The following ANK3 variants were observed in gnomAD, a reference collection of about 807,000 sequenced individuals.
The protein encoded by ANK3 is ankyrin-3.
Under a neutral mutation model 370.9 loss-of-function variants are expected in ANK3, and 57 were observed. That is an observed-to-expected ratio of 0.15 (90% confidence interval 0.12 to 0.19). ANK3 has a LOEUF of 0.19. Among genes scored for constraint, ANK3 ranks in the 10% least tolerant of loss-of-function variants. The probability of loss-of-function intolerance (pLI) is 1.00; values close to 1 mark genes in which losing one functional copy is unlikely to be tolerated. For missense variants in ANK3, 4,439 were observed against 5,302.1 expected (o/e 0.84, Z 5.06); for synonymous variants, 1,929 against 1,946.3 (o/e 0.99, Z 0.23).
chr10:60,693,248 G>A (rs1322130927), intron 1 of ANK3, among the ~76,000 whole-genome samples: 1 of 152,228 alleles, frequency 6.6e-6, no homozygotes, highest in Non-Finnish European at 1.5e-5. Flanking sequence ...TGGCTCGCAG[G>A]GTCCTAAGCC....
intron 9 of ANK3, among the ~76,000 whole-genome samples, chr10:60,210,476 G>A (rs191405384): frequency 1.3e-3 from 203 of 152,198 alleles, no homozygotes; most frequent in African/African-American, 4.8e-3. Flanking sequence ...GTAAAAGAAG[G>A]CTGGTTAGCT....
intron 2 of ANK3, among the ~76,000 whole-genome samples, chr10:60,573,779 C>G (rs1271323197): frequency 6.6e-6 from 1 of 152,098 alleles, no homozygotes; most frequent in African/African-American, 2.4e-5. Flanking sequence ...AAACAGAGCA[C>G]TTTGAGCAGA....
At chr10:60,190,421 A>G (rs1345206584) in intron 16 of ANK3, among the ~76,000 whole-genome samples, 1 of 149,574 alleles carries the variant, frequency 6.7e-6, no homozygotes, top group Non-Finnish European at 1.5e-5. Context: ...TCTTAGTGAA[A>G]ACAAACAAAC....
At chr10:60,712,049 C>T (rs972308496) in intron 1 of ANK3, among the ~76,000 whole-genome samples, 1 of 152,274 alleles carries the variant, frequency 6.6e-6, no homozygotes, top group South Asian at 2.1e-4. Flanking sequence ...CACCAGAAGA[C>T]CTGCCATGCA....
Position 60,257,251 on chromosome 10 carries a change from G to A in ANK3, c.798+4608C>T, listed in dbSNP as rs1542461. 7.2e-5 allele frequency among the ~76,000 whole-genome samples: 11 copies of A among 152,036 alleles called. No individual in the cohort carries two copies. In the East Asian group the frequency reaches 9.6e-4, roughly 13 times the overall value. On this transcript the variant is annotated intron_variant, in intron 7 of 43. Transcript: ENST00000280772. The stretch of plus-strand genomic sequence containing the variant: ...AGGGTTCTGAATGTGGTCCAATATC[G>A]ATCAAAACCTTGTATAAAATACCCA...
At chr10:60,324,143 T>C (rs949217184) in intron 1 of ANK3, among the ~76,000 whole-genome samples, 2 of 152,126 alleles carry the variant, frequency 1.3e-5, no homozygotes, top group African/African-American at 2.4e-5. Flanking sequence ...GAGAGAAATA[T>C]GAAAGCAGAA....
rs529457754 is a variant in ANK3 at position 60,520,391 on chromosome 10, C to T, written c.96+94795G>A. Among the ~76,000 whole-genome samples, 11 of 152,074 alleles carry T rather than the reference C, an allele frequency of 7.2e-5. No homozygotes were observed. The East Asian group carries it at 1.7e-3, about 24-fold the overall frequency. On this transcript the variant is annotated intron_variant, in intron 2 of 43. Coordinates refer to the ANK3 transcript ENST00000373827. The stretch of plus-strand genomic sequence containing the variant: ...TAGCATCATGCAATATAACCATTAA[C>T]GAACCTGCACATACACTACCTAAAT...
At chr10:60,324,262 GA>G (rs2049299725) in intron 1 of ANK3, among the ~76,000 whole-genome samples, 1 of 152,194 alleles carries the variant, frequency 6.6e-6, no homozygotes, top group African/African-American at 2.4e-5. Context: ...TGCCAGGACA[GA>G]AGACAAAGTG....
At chr10:60,054,227 G>T (rs2078677438) in intron 42 of ANK3, among the ~76,000 whole-genome samples, 1 of 152,186 alleles carries the variant, frequency 6.6e-6, no homozygotes, top group East Asian at 1.9e-4. Flanking sequence ...CTATGTTATT[G>T]CTTCTCTCTA....
chr10:60,189,384 G>C (rs973432798), intron 16 of ANK3, among the ~76,000 whole-genome samples: 4 of 152,140 alleles, frequency 2.6e-5, no homozygotes, highest in African/African-American at 9.7e-5. Flanking sequence ...CAGAGAGAGA[G>C]ACAGACAGAG....
At chr10:60,684,536 T>G (rs1564548792) in intron 1 of ANK3, 1 of 1,570,378 alleles carries the variant, frequency 6.4e-7, no homozygotes, top group East Asian at 2.3e-5. Flanking sequence ...CAGACTTCTA[T>G]CCTGTCCAGT....
intron 2 of ANK3, among the ~76,000 whole-genome samples, chr10:60,601,718 A>C (rs1476968793): frequency 1.3e-5 from 2 of 152,130 alleles, no homozygotes; most frequent in African/African-American, 4.8e-5. Flanking sequence ...TAGTTAATAA[A>C]ATATAATGTG....
chr10:60,568,192 T>C (rs2077508365), intron 2 of ANK3, among the ~76,000 whole-genome samples: 2 of 152,198 alleles, frequency 1.3e-5, no homozygotes, highest in Admixed American at 1.3e-4. Flanking sequence ...GCATTACATG[T>C]TACAGAGAGA....
intron 40 of ANK3, chr10:60,060,615 A>C (rs1398045058): frequency 6.6e-6 from 1 of 152,328 alleles, no homozygotes; most frequent in South Asian, 2.1e-4. Flanking sequence ...GCACTGGGAA[A>C]AAAATTTTAA....
At chr10:60,317,115 T>C (rs930493703) in intron 1 of ANK3, among the ~76,000 whole-genome samples, 12 of 151,884 alleles carry the variant, frequency 7.9e-5, no homozygotes, top group African/African-American at 2.9e-4. Flanking sequence ...TATACATGCA[T>C]ACTAACTTTT....
chr10:60,256,974 G>A (rs902163455), intron 7 of ANK3, among the ~76,000 whole-genome samples: 1 of 152,134 alleles, frequency 6.6e-6, no homozygotes. Context: ...ATTTTCTTCT[G>A]AATACATATT....
At chr10:60,600,177 G>C (rs1459347677) in intron 2 of ANK3, among the ~76,000 whole-genome samples, 1 of 152,138 alleles carries the variant, frequency 6.6e-6, no homozygotes, top group African/African-American at 2.4e-5. Context: ...CAAGTGCTAG[G>C]AGATAGTGAA....
At chr10:60,495,291 C>T (rs1318160030) in intron 2 of ANK3, among the ~76,000 whole-genome samples, 2 of 152,150 alleles carry the variant, frequency 1.3e-5, no homozygotes, top group Non-Finnish European at 2.9e-5. Context: ...TAGAATGCTA[C>T]TACTCAAAAT....
At chr10:60,313,489 T>C (rs578095053) in intron 1 of ANK3, among the ~76,000 whole-genome samples, 27 of 152,304 alleles carry the variant, frequency 1.8e-4, no homozygotes, top group African/African-American at 6.0e-4. Flanking sequence ...CTGGAACATA[T>C]AGATCTTCTG....
Sources: gnomAD v4.1 joint callset for allele counts (sites outside exome capture counted in the v4.1 genomes callset) on GRCh38, gnomAD v4.1.1 for gene constraint, MANE v1.5 for transcripts, NCBI Gene and HGNC (gene_info 2026-07-23, HGNC 2026-07-21) for gene names.